Variants in GPAT3 observed in about 807,000 individuals in gnomAD.
GPAT3 encodes 1-AGP acyltransferase 9.
In GPAT3, 53 loss-of-function variants were observed where a neutral mutation model predicts 58.8. That is an observed-to-expected ratio of 0.90 (90% CI 0.72 to 1.13). The LOEUF is 1.13. GPAT3 is among the 50% of genes most tolerant of loss of function. GPAT3 has a pLI of 0.00. For missense variants in GPAT3, 511 were observed against 527.6 expected, an observed-to-expected ratio of 0.97 and a Z score of 0.31; for synonymous variants, 197 against 187.4, an observed-to-expected ratio of 1.05 and a Z score of -0.42.
At chr4:83,567,503 A>G (rs1186858801) in intron 2 of GPAT3, among the ~76,000 whole-genome samples, 1 of 152,216 alleles carries the variant, frequency 6.6e-6, no homozygotes, top group Non-Finnish European at 1.5e-5. Flanking sequence ...TCATAATATG[A>G]TGCTGGAAGT....
chr4:83,588,142 A>G (rs1726453395), intron 4 of GPAT3, 68 bp from the exon 5 acceptor site: 12 of 1,409,868 alleles, frequency 8.5e-6, no homozygotes, highest in Non-Finnish European at 1.0e-5. Context: ...AAGCACATTA[A>G]AACCTTTATT....
chr4:83,555,484 C>G (rs1724914660), intron 2 of GPAT3, among the ~76,000 whole-genome samples: 1 of 152,146 alleles, frequency 6.6e-6, no homozygotes, highest in African/African-American at 2.4e-5. Context: ...TTGAACACAT[C>G]CAGGTGCCTG....
chr4:83,540,980 A>G (rs1175463992), intron 1 of GPAT3, among the ~76,000 whole-genome samples: 1 of 152,048 alleles, frequency 6.6e-6, no homozygotes, highest in Non-Finnish European at 1.5e-5. Flanking sequence ...ATGAACCACC[A>G]TGCCTGGCTT....
chr4:83,596,370 C>T (rs1369326379), intron 7 of GPAT3, among the ~76,000 whole-genome samples: 1 of 152,190 alleles, frequency 6.6e-6, no homozygotes, highest in Non-Finnish European at 1.5e-5. Flanking sequence ...CCTGTAATCC[C>T]AGCACTTGGG....
chr4:83,576,354 G>A lies in GPAT3; in HGVS notation c.209-5208G>A, dbSNP rs532054562. ...CTCTGGAGAATAAGAGAAAAAGCTC[G>A]TTAAGGTGGAATGCCAAATAATAAA... is the stretch of plus-strand genomic sequence containing the variant. On this transcript the variant is annotated intron_variant, in intron 2 of 11. Transcript: ENST00000264409. 1.6e-3 allele frequency among the ~76,000 whole-genome samples: 241 copies of A among 152,204 alleles called. 1 individual carries two copies. Among genetic ancestry groups the A allele is most frequent in the Non-Finnish European group, 2.5e-3 (170 of 68,012 alleles).
rs577783001 is a variant in GPAT3 at position 83,565,341 on chromosome 4, T to A, written c.209-16221T>A. Among the ~76,000 whole-genome samples the A allele has an allele frequency of 1.8e-4, 27 of 152,158 alleles. No individual in the cohort carries two copies. The South Asian group carries it at 5.0e-3, about 28-fold the overall frequency. ...GTCTCGAACTCCTGACCTCAAGTGA[T>A]CCTCCCATCTCAGCCTCCCAAATTG... is the stretch of plus-strand genomic sequence containing the variant. On this transcript the variant is annotated intron_variant, in intron 2 of 11. Coordinates refer to ENST00000264409, the MANE Select transcript of GPAT3 (RefSeq NM_032717.5).
At chr4:83,568,603 A>G (rs896417014) in intron 2 of GPAT3, among the ~76,000 whole-genome samples, 1 of 151,142 alleles carries the variant, frequency 6.6e-6, no homozygotes, top group African/African-American at 2.4e-5. Context: ...CGCCTCCCAG[A>G]TTCACGCCAT....
At chr4:83,594,171 T>A (rs555017481) in intron 6 of GPAT3, among the ~76,000 whole-genome samples, 1 of 152,360 alleles carries the variant, frequency 6.6e-6, no homozygotes, top group South Asian at 2.1e-4. Context: ...GTCATAGAGA[T>A]CAACCTTGCT....
intron 2 of GPAT3, among the ~76,000 whole-genome samples, chr4:83,552,434 C>T (rs1033581259): frequency 3.9e-5 from 6 of 152,188 alleles, no homozygotes; most frequent in South Asian, 2.1e-4. Context: ...TCCCCACTAT[C>T]GTTAGCATGA....
In GPAT3 at chr4:83,604,876, A is replaced by G. The variant is rs1727199672; in HGVS notation, c.*109A>G. On this transcript the variant is annotated 3_prime_UTR_variant, in exon 12 of 12. Transcript: ENST00000264409. ...GTTTTTATTATTGTTAATCTTTTCT[A>G]CAGAATGATTGTCTCTACCTCTTTA... 1 of 937,612 alleles carries G rather than the reference A, an allele frequency of 1.1e-6. No homozygotes were observed. Among genetic ancestry groups the G allele is most frequent in the Non-Finnish European group, 1.6e-6 (1 of 634,328 alleles). 58.1% of individuals were successfully genotyped at this position (937,612 alleles called of 1,614,324 possible). A position where few individuals can be genotyped will look rare whatever the true frequency, so the allele number is the denominator to read the frequency against.
chr4:83,535,926 T>G, upstream of GPAT3: 1 of 985,502 alleles, frequency 1.0e-6, no homozygotes, highest in Non-Finnish European at 1.2e-6. Context: ...ATGAAAACTC[T>G]CCTCCTGAAA....
chr4:83,586,696 T>C (rs1341780842), intron 3 of GPAT3, among the ~76,000 whole-genome samples: 1 of 152,230 alleles, frequency 6.6e-6, no homozygotes, highest in Non-Finnish European at 1.5e-5. Flanking sequence ...GTCATTGGAA[T>C]GTATATTAAA....
At position 83,598,178 on chromosome 4, in the gene GPAT3, A is replaced by G. The variant is rs1726920543; in HGVS notation, c.1124A>G (p.Glu375Gly). ...TGGTACATGCCCCCCATGACCAGAG[A>G]GGTATTCCTTAGCTAACACTTTATC... is the stretch of plus-strand genomic sequence containing the variant. ...DVWYMPPMTR[E>G]EGEDAVQFAN... The change falls in exon 10 of 12, where the codon GAG becomes GGG. Residue 375 changes from glutamate (E) to glycine (G), a missense_variant and splice_region_variant. Transcript: ENST00000264409. 1.9e-6 allele frequency: 3 copies of G among 1,612,142 alleles called. No individual in the cohort carries two copies. The highest frequency in any genetic ancestry group is 2.5e-6 in the Non-Finnish European group (3 of 1,179,440).
intron 2 of GPAT3, among the ~76,000 whole-genome samples, chr4:83,554,365 A>C (rs1192120383): frequency 6.6e-6 from 1 of 152,120 alleles, no homozygotes; most frequent in Non-Finnish European, 1.5e-5. Context: ...ACAGCTTGTC[A>C]TTTTAGAAGT....
upstream of GPAT3, chr4:83,535,857 G>A (rs1454936108): frequency 8.1e-6 from 8 of 985,388 alleles, no homozygotes; most frequent in Non-Finnish European, 9.6e-6. Context: ...AAGACCTCAA[G>A]CGTCCCAGAT....
intron 2 of GPAT3, among the ~76,000 whole-genome samples, chr4:83,548,745 A>C (rs1724636148): frequency 6.6e-6 from 1 of 152,180 alleles, no homozygotes; most frequent in Admixed American, 6.5e-5. Context: ...CTGTGGTCTC[A>C]TGGCCTGCTG....
At position 83,581,746 on chromosome 4, in the gene GPAT3, T is replaced by C. The variant is rs1726139461; in HGVS notation, c.393T>C (p.Asn131=). Residue 131 remains asparagine, a synonymous_variant, in exon 3 of 12, where the codon AAT becomes AAC. Coordinates refer to ENST00000264409, the MANE Select transcript of GPAT3 (RefSeq NM_032717.5). ...CATGGAATCTCCTCACAAGAACCAA[T>C]GTAAATTTCCAGTACATCAGTCTGC... ...LVSWNLLTRT[N]VNFQYISLRL... is the part of the protein sequence containing the mutation. 1 of 1,614,088 alleles carries C rather than the reference T, an allele frequency of 6.2e-7. No individual in the cohort carries two copies. The highest frequency in any genetic ancestry group is 1.3e-5 in the African/African-American group (1 of 74,940).
intron 2 of GPAT3, among the ~76,000 whole-genome samples, chr4:83,575,662 C>A (rs1044796537): frequency 6.6e-6 from 1 of 152,176 alleles, no homozygotes; most frequent in African/African-American, 2.4e-5. Context: ...GATCCACCCG[C>A]CTCGGCCTCC....
In GPAT3 at chr4:83,546,488, T is replaced by C. The variant is rs182409534; in HGVS notation, c.208+1886T>C. 3.5e-3 allele frequency among the ~76,000 whole-genome samples: 540 copies of C among 152,276 alleles called. 1 individual carries two copies. The highest frequency in any genetic ancestry group is 6.0e-3 in the Non-Finnish European group (405 of 68,026). On this transcript the variant is annotated intron_variant, in intron 2 of 11. Coordinates refer to ENST00000264409, the MANE Select transcript of GPAT3 (RefSeq NM_032717.5). ...TGTCAAATATCTGCTTTTTCTGTTT[T>C]TGATCTTTGTCTTTTCTATGGTGTC...
Sources: allele counts gnomAD v4.1 joint callset (sites outside exome capture counted in the v4.1 genomes callset), GRCh38; gene constraint gnomAD v4.1.1; transcripts MANE v1.5; gene names NCBI Gene and HGNC (gene_info 2026-07-23, HGNC 2026-07-21).